OPHN1: variants seen among roughly 807,000 people sequenced by gnomAD.
The protein encoded by OPHN1 is oligophrenin 1, also known as oligophrenin-1.
Under a neutral mutation model 60.7 loss-of-function variants are expected in OPHN1, and 11 were observed. The observed-to-expected ratio is 0.18, with a 90% CI of 0.11 to 0.30. The LOEUF (loss-of-function observed/expected upper bound fraction) is 0.30. Among genes scored for constraint, OPHN1 ranks in the 10% least tolerant of loss-of-function variants. The pLI, the probability that OPHN1 is intolerant of heterozygous loss-of-function variation, is 1.00. For missense variants in OPHN1, 449 were observed against 611.0 expected, an observed-to-expected ratio of 0.73 and a Z score of 2.80; for synonymous variants, 226 against 222.6, an observed-to-expected ratio of 1.02 and a Z score of -0.14.
chrX:68,181,800 C>T (rs1436957528), intron 15 of OPHN1, among the ~76,000 whole-genome samples: 1 of 111,606 alleles, frequency 9.0e-6, no homozygotes, highest in Admixed American at 9.5e-5. Flanking sequence ...TGCACTCCAG[C>T]CTGGGCAACA....
At chrX:68,087,274 T>C (rs994236525) in intron 19 of OPHN1, among the ~76,000 whole-genome samples, 8 of 112,316 alleles carry the variant, frequency 7.1e-5, no homozygotes, top group Non-Finnish European at 9.4e-5. Context: ...GAACTCAATA[T>C]CCGAGGAATA....
intron 8 of OPHN1, 90 bp downstream of exon 8, chrX:68,212,018 G>A: frequency 1.6e-6 from 1 of 624,696 alleles, no homozygotes; most frequent in Admixed American, 2.6e-5. Flanking sequence ...CTAGGATGCA[G>A]TAACCTAGAA....
chrX:68,414,381 A>ATT (rs1048395555), intron 2 of OPHN1, among the ~76,000 whole-genome samples: 15 of 111,745 alleles, frequency 1.3e-4, no homozygotes, highest in Non-Finnish European at 1.7e-4. Context: ...CTGTGTGACT[A>ATT]TGAGAAATAT....
At chrX:68,241,965 C>G (rs1039290999) in intron 5 of OPHN1, among the ~76,000 whole-genome samples, 4 of 110,534 alleles carry the variant, frequency 3.6e-5, no homozygotes, top group Admixed American at 9.7e-5. Flanking sequence ...ATGAGCAAAA[C>G]TTGAATAGAC....
At chrX:68,398,965 G>GTT (rs1166224586) in intron 2 of OPHN1, among the ~76,000 whole-genome samples, 2 of 25,505 alleles carry the variant, frequency 7.8e-5, no homozygotes, top group African/African-American at 1.1e-4. Flanking sequence ...AAAAAAGTGT[G>GTT]TGTGTGTGTG....
At chrX:68,419,993 C>T (rs1256427462) in intron 2 of OPHN1, among the ~76,000 whole-genome samples, 1 of 111,415 alleles carries the variant, frequency 9.0e-6, no homozygotes, top group Non-Finnish European at 1.9e-5. Flanking sequence ...AGACATCTAC[C>T]TTGGTCTGGA....
At chrX:68,115,827 C>A (rs2077124638) in intron 16 of OPHN1, among the ~76,000 whole-genome samples, 1 of 111,896 alleles carries the variant, frequency 8.9e-6, no homozygotes, top group South Asian at 3.7e-4. Flanking sequence ...TATGAGTGAC[C>A]ATGGCCTGTG....
At chrX:68,060,229 T>C (rs2076888175) in intron 21 of OPHN1, among the ~76,000 whole-genome samples, 1 of 110,950 alleles carries the variant, frequency 9.0e-6, no homozygotes, top group Admixed American at 9.6e-5. Context: ...CAAAAGTAAG[T>C]GGTCCTTAGA....
At chrX:68,124,156 T>C (rs2077160743) in intron 15 of OPHN1, among the ~76,000 whole-genome samples, 1 of 111,373 alleles carries the variant, frequency 9.0e-6, no homozygotes, top group African/African-American at 3.3e-5. Context: ...ATCTGTCTTG[T>C]AGGACAGATC....
chrX:68,097,646 C>T (rs2077042832), intron 18 of OPHN1, among the ~76,000 whole-genome samples: 2 of 111,620 alleles, frequency 1.8e-5, no homozygotes, highest in South Asian at 7.6e-4. Context: ...ACTTTCATTG[C>T]TTAAATTCCC....
rs2077390363 is a variant in OPHN1, at chrX:68,171,369, A to C, written c.1276+21550T>G. ...GAAAAGGTCAGTTACAGACTGTGAG[A>C]CAATATTTGGAAAACACTTATCTGA... On this transcript the variant is annotated intron_variant, in intron 15 of 24. Transcript: ENST00000355520. 2.7e-5 allele frequency among the ~76,000 whole-genome samples: 3 copies of C among 112,369 alleles called. No individual in the cohort carries two copies. In the South Asian group the frequency reaches 1.1e-3, roughly 41 times the overall value.
At chrX:68,086,195 C>G (rs866355392) in intron 19 of OPHN1, among the ~76,000 whole-genome samples, 1 of 57,688 alleles carries the variant, frequency 1.7e-5, no homozygotes, top group Non-Finnish European at 4.0e-5. Flanking sequence ...AAAAAAAAAG[C>G]AGAAATAAAT....
intron 6 of OPHN1, 66 bp downstream of exon 6, chrX:68,234,421 C>T: frequency 3.3e-6 from 3 of 898,740 alleles, no homozygotes; most frequent in African/African-American, 3.9e-5. Context: ...CCTTGCAGTA[C>T]AAAATTCACA....
intron 6 of OPHN1, among the ~76,000 whole-genome samples, chrX:68,226,661 T>C (rs1043390610): frequency 1.3e-4 from 15 of 111,222 alleles, no homozygotes; most frequent in Non-Finnish European, 2.3e-4. Flanking sequence ...AATAAAATAC[T>C]TTACAGACAA....
intron 12 of OPHN1, among the ~76,000 whole-genome samples, chrX:68,195,464 T>G (rs1361867308): frequency 8.9e-6 from 1 of 112,043 alleles, no homozygotes; most frequent in Non-Finnish European, 1.9e-5. Flanking sequence ...TACCTCTACC[T>G]CTTAGGAAAT....
At chrX:68,164,476 C>CAGTAATGTT (rs1271896815) in intron 15 of OPHN1, among the ~76,000 whole-genome samples, 1 of 112,001 alleles carries the variant, frequency 8.9e-6, no homozygotes, top group Non-Finnish European at 1.9e-5. Flanking sequence ...TGCATATGAG[C>CAGTAATGTT]AGTAATGTTT....
At chrX:68,388,556 C>G (rs978752490) in intron 2 of OPHN1, among the ~76,000 whole-genome samples, 1 of 110,573 alleles carries the variant, frequency 9.0e-6, no homozygotes, top group Non-Finnish European at 1.9e-5. Flanking sequence ...AGCCATTCAA[C>G]AGCTATTTAT....
Position 68,083,935 on chromosome X carries a change from G to A in OPHN1, c.1687-10636C>T, listed in dbSNP as rs939454902. ...TTGTCTGGGTGTAGTTCATGGAGCC[G>A]CAAAACAATTACATAGTAACATCAA... is the stretch of plus-strand genomic sequence containing the variant. On this transcript the variant is annotated intron_variant, in intron 19 of 24. Transcript: ENST00000355520. Among the ~76,000 whole-genome samples, 6 of 110,614 alleles carry A rather than the reference G, an allele frequency of 5.4e-5. No homozygotes were observed. In the East Asian group the frequency reaches 8.6e-4, roughly 16 times the overall value.
chrX:68,265,796 T>C (rs757366626), intron 5 of OPHN1, among the ~76,000 whole-genome samples: 5 of 110,826 alleles, frequency 4.5e-5, no homozygotes, highest in African/African-American at 1.6e-4. Context: ...ATTAGATGAA[T>C]GGCTAACTAG....
Sources: allele counts gnomAD v4.1 joint callset (sites outside exome capture counted in the v4.1 genomes callset), GRCh38; gene constraint gnomAD v4.1.1; transcripts MANE v1.5; gene names NCBI Gene and HGNC (gene_info 2026-07-23, HGNC 2026-07-21).